XRCC6: variants seen among roughly 807,000 people sequenced by gnomAD.
The protein encoded by XRCC6 is DNA repair protein Ku70.
A neutral mutation model predicts 65.7 loss-of-function variants in XRCC6; 5 were observed. That is an observed-to-expected ratio of 0.08 (90% CI 0.04 to 0.16). XRCC6 has a LOEUF of 0.16. Among genes scored for constraint, XRCC6 ranks in the 10% least tolerant of loss-of-function variants. The pLI is 1.00. For synonymous variants in XRCC6, 270 were observed against 270.6 expected (o/e 1.00, Z 0.02); for missense variants, 447 against 738.1 (o/e 0.61, Z 4.57).
chr22:41,649,135 A>ATATAT (rs1470467480), intron 7 of XRCC6, among the ~76,000 whole-genome samples: 5 of 94,916 alleles, frequency 5.3e-5, no homozygotes, highest in African/African-American at 1.9e-4. Context: ...ACAAAAAAAA[A>ATATAT]AAAAATATAT....
At position 41,645,300 on chromosome 22, in the gene XRCC6, T is replaced by TA. The variant is rs993256489; in HGVS notation, c.774-1584dup. 4.2e-3 allele frequency among the ~76,000 whole-genome samples: 573 copies of TA among 136,786 alleles called. 4 individuals are homozygous for TA. Among genetic ancestry groups the TA allele is most frequent in the South Asian group, 0.012 (53 of 4,366 alleles). The allele number at this position is 136,786 out of a possible 152,430, so 89.7% of individuals were successfully genotyped here. On this transcript the variant is annotated intron_variant, in intron 6 of 12. Coordinates refer to ENST00000360079, the MANE Select transcript of XRCC6 (RefSeq NM_001469.5). ...GGCAACAAGAGCGAAACTCCATCTT[T>TA]AAAAAAAAAAAACAAAAAACAAAAA...
At chr22:41,652,365 C>CTTT (rs754721375) in intron 8 of XRCC6, among the ~76,000 whole-genome samples, 1 of 140,658 alleles carries the variant, frequency 7.1e-6, no homozygotes, top group African/African-American at 2.6e-5. Context: ...TAATAATTTG[C>CTTT]TTTTTTTTTT....
intron 3 of XRCC6, among the ~76,000 whole-genome samples, chr22:41,635,095 TC>T (rs1405821560): frequency 4.6e-5 from 7 of 152,164 alleles, no homozygotes; most frequent in Admixed American, 3.9e-4. Flanking sequence ...GATTCCAAAA[TC>T]CGAGGATGCC....
chr22:41,639,960 G>T (rs2067857393), intron 6 of XRCC6, among the ~76,000 whole-genome samples: 1 of 150,458 alleles, frequency 6.6e-6, no homozygotes, highest in South Asian at 2.1e-4. Context: ...GTCCGGCCTA[G>T]ATTCTGTTTT....
chr22:41,632,952 C>T (rs1157985915), intron 3 of XRCC6, among the ~76,000 whole-genome samples: 1 of 151,514 alleles, frequency 6.6e-6, no homozygotes. Context: ...AATGGTGAAA[C>T]CTCGTCTCTA....
chr22:41,630,108 C>T (rs571152971), intron 3 of XRCC6, among the ~76,000 whole-genome samples: 4 of 151,554 alleles, frequency 2.6e-5, no homozygotes, highest in Non-Finnish European at 1.5e-5. Context: ...CTCAGCCTCC[C>T]GAGTAGGTGA....
intron 8 of XRCC6, among the ~76,000 whole-genome samples, chr22:41,651,379 T>TGGAGA (rs1389115437): frequency 1.2e-5 from 1 of 86,826 alleles, no homozygotes; most frequent in African/African-American, 7.9e-5. Context: ...TTTTTTTTTT[T>TGGAGA]TTTTTTTTTT....
chr22:41,657,040 A>G lies in XRCC6; in HGVS notation c.1421+8A>G. 6.4e-7 allele frequency: 1 copy of G among 1,557,036 alleles called. No individual in the cohort carries two copies. Among genetic ancestry groups the G allele is most frequent in the Non-Finnish European group, 8.6e-7 (1 of 1,158,166 alleles). ...GCTTCGCTTCACATACAGGTGAGTC[A>G]ATCTCAGGCTTTCTGGAACTGCCTC... is the stretch of plus-strand genomic sequence containing the variant. On this transcript the variant is annotated splice_region_variant and intron_variant, in intron 10 of 12. Transcript: ENST00000360079.
chr22:41,638,570 G>T (rs1044481106), intron 6 of XRCC6, among the ~76,000 whole-genome samples: 1 of 152,108 alleles, frequency 6.6e-6, no homozygotes, highest in Middle Eastern at 3.2e-3. Context: ...TGGATCACAA[G>T]TTCAAGAGAT....
intron 3 of XRCC6, among the ~76,000 whole-genome samples, chr22:41,629,334 C>T (rs149521017): frequency 1.2e-4 from 19 of 152,192 alleles, no homozygotes; most frequent in African/African-American, 4.6e-4. Context: ...TTTTGAATGG[C>T]TAAACAGTGG....
At chr22:41,654,875 G>T (rs1222667578) in intron 9 of XRCC6, among the ~76,000 whole-genome samples, 1 of 152,120 alleles carries the variant, frequency 6.6e-6, no homozygotes, top group African/African-American at 2.4e-5. Flanking sequence ...AATACAGGAG[G>T]GCCGCAACCA....
In XRCC6 at chr22:41,639,329, C is replaced by CTTTT. The variant is rs386395480; in HGVS notation, c.773+1560_773+1563dup. Among the ~76,000 whole-genome samples, 110 of 64,564 alleles carry CTTTT rather than the reference C, an allele frequency of 1.7e-3. 29 individuals are homozygous for CTTTT. Among genetic ancestry groups the CTTTT allele is most frequent in the South Asian group, 4.9e-3 (7 of 1,418 alleles). The allele number at this position is 64,564 out of a possible 152,430, so 42.4% of individuals were successfully genotyped here. Reference sequence around the variant, plus strand: ...GGAACCAGATTGCTAGATTCTTTTTCTTTTTTTTTTTTTTTTTTTTTTTTT... The same window carrying CTTTT: ...GGAACCAGATTGCTAGATTCTTTTTCTTTTTTTTTTTTTTTTTTTTTTTTTTTTT... On this transcript the variant is annotated intron_variant, in intron 6 of 12. Coordinates refer to ENST00000360079, the MANE Select transcript of XRCC6 (RefSeq NM_001469.5).
rs2068033796 is a variant in XRCC6, at chr22:41,655,216, G to A, written c.1291+1526G>A. 3.3e-5 allele frequency among the ~76,000 whole-genome samples: 5 copies of A among 152,166 alleles called. No homozygotes were observed. The South Asian group carries it at 1.0e-3, about 31-fold the overall frequency. ...TAAAGTGCTTCCTTTAAATGAAAAG[G>A]TGAGAGTTCTTGACTTTAAGGAGGA... On this transcript the variant is annotated intron_variant, in intron 9 of 12. Coordinates refer to ENST00000360079, the MANE Select transcript of XRCC6 (RefSeq NM_001469.5).
intron 7 of XRCC6, 78 bp from the exon 8 acceptor site, chr22:41,650,645 G>C: frequency 1.4e-6 from 2 of 1,480,628 alleles, no homozygotes; most frequent in Non-Finnish European, 1.9e-6. Flanking sequence ...ATTTTAACTT[G>C]CTAGTGTCAT....
At chr22:41,654,055 A>G (rs1477481493) in intron 9 of XRCC6, among the ~76,000 whole-genome samples, 2 of 152,170 alleles carry the variant, frequency 1.3e-5, no homozygotes, top group Admixed American at 6.6e-5. Context: ...TTCCTATACA[A>G]ACCAACCATG....
At chr22:41,660,524 G>C (rs2068089522) in intron 11 of XRCC6, among the ~76,000 whole-genome samples, 1 of 152,002 alleles carries the variant, frequency 6.6e-6, no homozygotes, top group Non-Finnish European at 1.5e-5. Context: ...CAGCTATCAG[G>C]GGATTCTTTG....
chr22:41,661,317 T>C lies in XRCC6; in HGVS notation c.1523-14T>C. ...TGACTCACCAGGCCACTCTTCTGTG[T>C]TTTGATTTTCTAGTGCCCAAGGTTG... On this transcript the variant is annotated splice_polypyrimidine_tract_variant and intron_variant, in intron 11 of 12. Transcript: ENST00000360079. 6.2e-7 allele frequency: 1 copy of C among 1,610,304 alleles called. No individual in the cohort carries two copies.
At position 41,636,099 on chromosome 22, in the gene XRCC6, A is replaced by C. The variant is rs777609879; in HGVS notation, c.196-14A>C. The C allele has an allele frequency of 1.3e-6, 2 of 1,496,782 alleles. No individual in the cohort carries two copies. Among genetic ancestry groups the C allele is most frequent in the Non-Finnish European group, 1.8e-6 (2 of 1,112,814 alleles). The allele number at this position is 1,496,782 out of a possible 1,614,324, so 92.7% of individuals were successfully genotyped here. ...TTAGTGGTAAGTAAATATTAATTGA[A>C]TTTTTTTTTTCAGTGTATCCAAAGT... On this transcript the variant is annotated splice_polypyrimidine_tract_variant and intron_variant, in intron 3 of 12. Transcript: ENST00000360079.
At chr22:41,631,451 T>C (rs1317522354) in intron 3 of XRCC6, among the ~76,000 whole-genome samples, 5 of 137,550 alleles carry the variant, frequency 3.6e-5, no homozygotes, top group Non-Finnish European at 6.2e-5. Flanking sequence ...CCTTCTCAGA[T>C]GGGGCGGCTG....
Sources: allele counts gnomAD v4.1 joint callset (sites outside exome capture counted in the v4.1 genomes callset), GRCh38; gene constraint gnomAD v4.1.1; transcripts MANE v1.5; gene names NCBI Gene and HGNC (gene_info 2026-07-23, HGNC 2026-07-21).